Variants in SHC4 observed in about 807,000 individuals in gnomAD.
SHC4 encodes SHC-transforming protein 4.
Under a neutral mutation model 69.4 loss-of-function variants are expected in SHC4, and 41 were observed. The observed-to-expected ratio is 0.59, with a 90% CI of 0.46 to 0.77. The LOEUF is 0.77. Ranked by LOEUF, SHC4 falls within the 30% of genes least tolerant of loss-of-function variation. The pLI is 0.00. For missense variants in SHC4, 777 were observed against 783.8 expected, an observed-to-expected ratio of 0.99 and a Z score of 0.10; for synonymous variants, 318 against 299.3, an observed-to-expected ratio of 1.06 and a Z score of -0.64.
In SHC4 at chr15:48,962,693, C is replaced by G. The variant is rs1436448336; in HGVS notation, c.323G>C (p.Cys108Ser). The G allele has an allele frequency of 3.1e-6, 5 of 1,614,024 alleles. No homozygotes were observed. Among genetic ancestry groups the G allele is most frequent in the Non-Finnish European group, 4.2e-6 (5 of 1,180,042 alleles). The part of the protein sequence containing the change: ...PATLLSLKNF[C>S]LGTKEVPRLK... ...CCGAGGCACCTCTTTGGTACCCAGG[C>G]AAAAGTTTTTCAGACTCAGCAAAGT... is the stretch of plus-strand genomic sequence containing the variant. The change falls in exon 1 of 12, where the codon TGC becomes TCC. Residue 108 changes from cysteine (C) to serine (S), a missense_variant. By Grantham distance (112) the Cys-to-Ser change is moderately radical (BLOSUM62 -1). Coordinates refer to ENST00000332408, the MANE Select transcript of SHC4 (RefSeq NM_203349.4).
intron 11 of SHC4, among the ~76,000 whole-genome samples, chr15:48,827,062 C>T (rs976316761): frequency 6.6e-6 from 1 of 152,184 alleles, no homozygotes; most frequent in Non-Finnish European, 1.5e-5. Flanking sequence ...CATTGTGGCT[C>T]TACCAGCTTG....
rs754304611 is a variant in SHC4, at chr15:48,867,822, T to C, written c.942A>G (p.Gln314=). The C allele has an allele frequency of 1.2e-6, 2 of 1,613,614 alleles. No homozygotes were observed. Among genetic ancestry groups the C allele is most frequent in the South Asian group, 2.2e-5 (2 of 91,038 alleles). Residue 314 remains glutamine (Q), a synonymous_variant, in exon 6 of 12, where the codon CAA becomes CAG. Transcript: ENST00000332408. ...TCTGTAAGTTGCTTTCCATACCTCG[T>C]TGATTAACTGGATCTTTAGCTACGT... ...VAYVAKDPVN[Q]RACHILECHN... is the part of the protein sequence containing the mutation.
At chr15:48,924,977 G>T in intron 1 of SHC4, 28 bp from the exon 2 acceptor site, 6 of 1,612,322 alleles carry the variant, frequency 3.7e-6, no homozygotes, top group Non-Finnish European at 5.1e-6. Context: ...AAAAGAAGAA[G>T]TAGGACAAAA....
chr15:48,906,987 T>C (rs1316475510), intron 2 of SHC4, among the ~76,000 whole-genome samples: 2 of 152,244 alleles, frequency 1.3e-5, no homozygotes, highest in Non-Finnish European at 2.9e-5. Context: ...GATCTCACTT[T>C]AGTTTTTAAA....
intron 11 of SHC4, among the ~76,000 whole-genome samples, chr15:48,830,252 G>A (rs1898772145): frequency 6.6e-6 from 1 of 152,098 alleles, no homozygotes; most frequent in Non-Finnish European, 1.5e-5. Context: ...ATAAAACATA[G>A]CTATAACAAT....
At chr15:48,896,295 C>CCTCTCCCTCT (rs1900220530) in intron 2 of SHC4, among the ~76,000 whole-genome samples, 1 of 142,022 alleles carries the variant, frequency 7.0e-6, no homozygotes, top group African/African-American at 2.6e-5. Context: ...TCTCTCCCTC[C>CCTCTCCCTCT]CTCTCCCTCT....
chr15:48,906,483 C>T (rs1900407701), intron 2 of SHC4, among the ~76,000 whole-genome samples: 1 of 151,916 alleles, frequency 6.6e-6, no homozygotes, highest in African/African-American at 2.4e-5. Flanking sequence ...TTCTCCTACT[C>T]CCCCATCTCA....
chr15:48,875,948 G>T (rs1899790036), intron 4 of SHC4, among the ~76,000 whole-genome samples: 1 of 152,208 alleles, frequency 6.6e-6, no homozygotes, highest in South Asian at 2.1e-4. Context: ...TGTTTGTGCA[G>T]CTCTGTGAGG....
At chr15:48,907,811 AAT>A (rs961264509) in intron 2 of SHC4, among the ~76,000 whole-genome samples, 116 of 117,918 alleles carry the variant, frequency 9.8e-4, no homozygotes, top group Non-Finnish European at 1.5e-3. Flanking sequence ...GGAATGAATG[AAT>A]ATGTGTGTGT....
At position 48,834,930 on chromosome 15, in the gene SHC4, A is replaced by G. The variant is rs905409832; in HGVS notation, c.1576T>C (p.Cys526Arg). Residue 526 changes from cysteine to arginine, a missense_variant, in exon 11 of 12, where the codon TGC becomes CGC. Physicochemically the swap from Cys to Arg is radical, Grantham distance 180. Transcript: ENST00000332408. ...TTCCTGCTCAGCTTGCCATGATAGC[A>G]TTCTTCGCTCCACAGCTGCTGCTTA... ...HIKQQLWSEECYHGKLSRKAA... is the reference protein window; with the variant it reads ...HIKQQLWSEERYHGKLSRKAA... The G allele has an allele frequency of 2.5e-6, 4 of 1,613,834 alleles. No homozygotes were observed. The highest frequency in any genetic ancestry group is 3.4e-6 in the Non-Finnish European group (4 of 1,179,922).
intron 2 of SHC4, among the ~76,000 whole-genome samples, chr15:48,894,094 A>T (rs987130337): frequency 6.6e-6 from 1 of 152,256 alleles, no homozygotes; most frequent in Non-Finnish European, 1.5e-5. Context: ...GAGATAAAAC[A>T]TATCAAAATA....
Position 48,886,069 on chromosome 15 carries a change from C to T in SHC4, c.721-1702G>A, listed in dbSNP as rs567650858. Among the ~76,000 whole-genome samples, 31 of 152,204 alleles carry T rather than the reference C, an allele frequency of 2.0e-4. No homozygotes were observed. The East Asian group carries it at 5.8e-3, about 28-fold the overall frequency. On this transcript the variant is annotated intron_variant, in intron 3 of 11. Coordinates refer to ENST00000332408, the MANE Select transcript of SHC4 (RefSeq NM_203349.4). ...GTCAGGAGTTCGAGACCAGCGTGAC[C>T]AACATGGTGAAACCCCGTCTCTACT...
chr15:48,938,538 T>C lies in SHC4; in HGVS notation c.586-13589A>G, dbSNP rs74992744. ...TTCATCTTCCCAGCACACAGCAGCA[T>C]TGCACTTCTCCTGCCCCTTTGAAGT... is the stretch of plus-strand genomic sequence containing the variant. On this transcript the variant is annotated intron_variant, in intron 1 of 11. Coordinates refer to ENST00000332408, the MANE Select transcript of SHC4 (RefSeq NM_203349.4). Among the ~76,000 whole-genome samples, 146 of 152,308 alleles carry C rather than the reference T, an allele frequency of 9.6e-4. 1 individual carries two copies. The highest frequency in any genetic ancestry group is 3.3e-3 in the African/African-American group (138 of 41,572).
rs767318650 is a variant in SHC4, at chr15:48,825,986, C to T, written c.1878G>A (p.Leu626=). The change falls in exon 12 of 12, where the codon TTG becomes TTA. Residue 626 remains leucine, a synonymous_variant. Transcript: ENST00000332408. ...PVRKDNNPAL[L]HSNK is the part of the protein sequence containing the mutation. ...TTCAATACTGTCATTTGTTGGAATG[C>T]AAAAGTGCTGGATTATTATCTTTTC... 9.9e-6 allele frequency: 16 copies of T among 1,613,184 alleles called. No homozygotes were observed. The South Asian group carries it at 1.7e-4, about 17-fold the overall frequency.
chr15:48,878,539 C>T (rs1161033157), intron 4 of SHC4: 1 of 1,614,064 alleles, frequency 6.2e-7, no homozygotes, highest in Admixed American at 1.7e-5. Context: ...GTGGTGCCGG[C>T]TACAGAGTAT....
At chr15:48,902,197 T>C in intron 2 of SHC4, among the ~76,000 whole-genome samples, 1 of 143,746 alleles carries the variant, frequency 7.0e-6, no homozygotes, top group Non-Finnish European at 1.5e-5. Context: ...AGTGAGACTG[T>C]GTCTCAAAAA....
At chr15:48,866,983 CTCAG>C (rs1436754480) in intron 6 of SHC4, among the ~76,000 whole-genome samples, 1 of 152,220 alleles carries the variant, frequency 6.6e-6, no homozygotes, top group African/African-American at 2.4e-5. Context: ...CTTCCATTCA[CTCAG>C]TCATTCAATA....
chr15:48,846,123 G>A lies in SHC4; in HGVS notation c.1304-2535C>T, dbSNP rs374040121. Among the ~76,000 whole-genome samples the A allele has an allele frequency of 5.1e-4, 78 of 152,002 alleles. No individual in the cohort carries two copies. The South Asian group carries it at 0.014, about 27-fold the overall frequency. On this transcript the variant is annotated intron_variant, in intron 9 of 11. Coordinates refer to ENST00000332408, the MANE Select transcript of SHC4 (RefSeq NM_203349.4). ...AAGTGATCCTCCTGCCTCAGCCTCC[G>A]GAGTCACTGGGATTACAGGTGTGAG... is the stretch of plus-strand genomic sequence containing the variant.
At chr15:48,917,812 T>C (rs1210035346) in intron 2 of SHC4, among the ~76,000 whole-genome samples, 1 of 152,210 alleles carries the variant, frequency 6.6e-6, no homozygotes, top group Non-Finnish European at 1.5e-5. Context: ...TTCTGTGTTC[T>C]AAGTCTGTGG....
Sources: allele counts gnomAD v4.1 joint callset (sites outside exome capture counted in the v4.1 genomes callset), GRCh38; gene constraint gnomAD v4.1.1; transcripts MANE v1.5; gene names NCBI Gene and HGNC (gene_info 2026-07-23, HGNC 2026-07-21).